Variants in GFPT1 observed in about 807,000 individuals in gnomAD.
The protein encoded by GFPT1 is glutamine--fructose-6-phosphate aminotransferase [isomerizing] 1.
Under a neutral mutation model 92.0 loss-of-function variants are expected in GFPT1, and 40 were observed. That is an observed-to-expected ratio of 0.43 (90% confidence interval 0.34 to 0.57). The LOEUF is 0.57. GFPT1 is among the 20% of genes least tolerant of loss of function. The pLI, the probability that GFPT1 is intolerant of heterozygous loss-of-function variation, is 0.02. For missense variants in GFPT1, 448 were observed against 869.1 expected (o/e 0.52, Z 6.09); for synonymous variants, 269 against 280.6 (o/e 0.96, Z 0.41).
intron 6 of GFPT1, among the ~76,000 whole-genome samples, chr2:69,357,973 C>A (rs1043737334): frequency 6.6e-6 from 1 of 152,166 alleles, no homozygotes; most frequent in African/African-American, 2.4e-5. Flanking sequence ...GAAGAACACT[C>A]GGATGAGCAA....
chr2:69,376,611 A>C lies in GFPT1; in HGVS notation c.8-2498T>G, dbSNP rs149069075. Among the ~76,000 whole-genome samples, 719 of 152,318 alleles carry C rather than the reference A, an allele frequency of 4.7e-3. 9 individuals carry two copies. Among genetic ancestry groups the C allele is most frequent in the Admixed American group, 0.012 (179 of 15,300 alleles). Reference sequence around the variant, plus strand: ...GCTAGAGTCCACTAAAGGAGGATACAATCTAGCTTATTTGAAAACAGAAGC... The same window carrying C: ...GCTAGAGTCCACTAAAGGAGGATACCATCTAGCTTATTTGAAAACAGAAGC... On this transcript the variant is annotated intron_variant, in intron 1 of 19. Transcript: ENST00000357308.
intron 7 of GFPT1, 68 bp downstream of exon 7, chr2:69,356,428 T>C (rs1392173588): frequency 4.8e-5 from 51 of 1,059,526 alleles, no homozygotes; most frequent in Non-Finnish European, 4.5e-6. Context: ...TCATGTATAG[T>C]CTACGAAGAA....
At position 69,325,205 on chromosome 2, in the gene GFPT1, G is replaced by GT. The variant is rs965224407; in HGVS notation, c.*983dup. 4 of 152,110 alleles carry GT rather than the reference G, an allele frequency of 2.6e-5. No homozygotes were observed. The highest frequency in any genetic ancestry group is 9.7e-5 in the African/African-American group (4 of 41,426). 9.4% of individuals were successfully genotyped at this position (152,110 alleles called of 1,614,324 possible). On this transcript the variant is annotated 3_prime_UTR_variant, in exon 20 of 20. Coordinates refer to ENST00000357308, the MANE Select transcript of GFPT1 (RefSeq NM_001244710.2). Reference sequence around the variant, plus strand: ...TAAGGGACTAGTTTTATGCAACAATGTAATGAAGGAAAGTTAAAATTAACT... The same window carrying GT: ...TAAGGGACTAGTTTTATGCAACAATGTTAATGAAGGAAAGTTAAAATTAACT...
At chr2:69,333,620 T>C (rs1035091532) in intron 15 of GFPT1, among the ~76,000 whole-genome samples, 23 of 152,196 alleles carry the variant, frequency 1.5e-4, no homozygotes, top group African/African-American at 5.1e-4. Flanking sequence ...TTTTTTTAAA[T>C]CAACAAAAGT....
intron 6 of GFPT1, 55 bp from the exon 7 acceptor site, chr2:69,356,612 T>C (rs1403597347): frequency 1.3e-5 from 16 of 1,258,620 alleles, no homozygotes; most frequent in Non-Finnish European, 1.9e-5. Flanking sequence ...AAGTCAGAAA[T>C]GCCTAGAACA....
intron 18 of GFPT1, 108 bp from the exon 19 acceptor site, chr2:69,327,183 G>A (rs568651840): frequency 2.3e-5 from 20 of 884,512 alleles, no homozygotes; most frequent in Non-Finnish European, 3.2e-5. Flanking sequence ...GAAGCCTCAC[G>A]GACAGACTTC....
chr2:69,364,888 G>A (rs1429662333), intron 3 of GFPT1, among the ~76,000 whole-genome samples: 6 of 150,786 alleles, frequency 4.0e-5, no homozygotes, highest in South Asian at 2.1e-4. Context: ...CCAGCTACTC[G>A]GGAGGTTGAG....
chr2:69,344,122 G>A (rs1055835898), intron 12 of GFPT1, among the ~76,000 whole-genome samples: 1 of 128,852 alleles, frequency 7.8e-6, no homozygotes, highest in Admixed American at 9.2e-5. Context: ...TGAGAAGAAA[G>A]GAAACAGCAG....
intron 4 of GFPT1, among the ~76,000 whole-genome samples, chr2:69,363,239 GACT>G (rs1240055868): frequency 1.3e-5 from 2 of 152,134 alleles, no homozygotes; most frequent in Non-Finnish European, 2.9e-5. Flanking sequence ...GAGTAGCTGA[GACT>G]ACAAGCATGC....
chr2:69,362,430 T>C (rs1671497715), intron 4 of GFPT1, among the ~76,000 whole-genome samples: 1 of 152,174 alleles, frequency 6.6e-6, no homozygotes, highest in Non-Finnish European at 1.5e-5. Flanking sequence ...ATTTTAAAGA[T>C]GTGACTTCGG....
At chr2:69,351,444 GTATACT>G (rs1019153060) in intron 9 of GFPT1, among the ~76,000 whole-genome samples, 2 of 152,086 alleles carry the variant, frequency 1.3e-5, no homozygotes, top group African/African-American at 4.8e-5. Flanking sequence ...AACATCACAA[GTATACT>G]TATAAAAACT....
chr2:69,353,818 G>T (rs942866063), intron 9 of GFPT1, among the ~76,000 whole-genome samples: 1 of 152,058 alleles, frequency 6.6e-6, no homozygotes, highest in Non-Finnish European at 1.5e-5. Flanking sequence ...AGCCAATCAA[G>T]ATAGCAAATG....
intron 1 of GFPT1, among the ~76,000 whole-genome samples, chr2:69,380,883 A>C (rs1558786722): frequency 6.6e-6 from 1 of 152,120 alleles, no homozygotes; most frequent in African/African-American, 2.4e-5. Context: ...CTTCTCCCAG[A>C]TATTATTTTA....
intron 15 of GFPT1, among the ~76,000 whole-genome samples, chr2:69,332,793 T>TGC (rs1670695535): frequency 6.6e-6 from 1 of 152,124 alleles, no homozygotes; most frequent in Non-Finnish European, 1.5e-5. Context: ...GGTGTGTGTG[T>TGC]GCGCGCGCGG....
At chr2:69,343,272 G>C (rs1245744379) in intron 12 of GFPT1, among the ~76,000 whole-genome samples, 1 of 152,164 alleles carries the variant, frequency 6.6e-6, no homozygotes, top group Non-Finnish European at 1.5e-5. Flanking sequence ...TAGTGGTCAA[G>C]GCACTGAGAG....
At position 69,348,098 on chromosome 2, in the gene GFPT1, T is replaced by A. The variant is rs955377577; in HGVS notation, c.1009+73A>T. On this transcript the variant is annotated intron_variant, in intron 11 of 19. Transcript: ENST00000357308. ...ACTCATCATTCATTACTAGATTTAA[T>A]ATGCTAGGAAAGGAAGTAGAATATA... is the stretch of plus-strand genomic sequence containing the variant. The A allele has an allele frequency of 9.6e-6, 11 of 1,148,996 alleles. No individual in the cohort carries two copies. In the African/African-American group the frequency reaches 1.7e-4, roughly 17 times the overall value. The allele number at this position is 1,148,996 out of a possible 1,614,324, so 71.2% of individuals were successfully genotyped here.
intron 11 of GFPT1, 29 bp downstream of exon 11, chr2:69,348,142 G>A: frequency 1.3e-6 from 2 of 1,564,548 alleles, no homozygotes; most frequent in Non-Finnish European, 1.8e-6. Context: ...AGTAAGGACA[G>A]CAAGCTATAA....
chr2:69,377,865 A>C (rs1186534560), intron 1 of GFPT1, among the ~76,000 whole-genome samples: 1 of 152,200 alleles, frequency 6.6e-6, no homozygotes, highest in Non-Finnish European at 1.5e-5. Context: ...TGCCCGAGAC[A>C]ATACTGGCAG....
chr2:69,326,140 T>G lies in GFPT1; in HGVS notation c.*49A>C. The G allele has an allele frequency of 8.2e-7, 1 of 1,217,738 alleles. No homozygotes were observed. The highest frequency in any genetic ancestry group is 1.5e-5 in the African/African-American group (1 of 67,132). The allele number at this position is 1,217,738 out of a possible 1,614,324, so 75.4% of individuals were successfully genotyped here. On this transcript the variant is annotated 3_prime_UTR_variant, in exon 20 of 20. Transcript: ENST00000357308. The stretch of plus-strand genomic sequence containing the variant: ...ATCAAGGTTTTAAATACAAAAGGTG[T>G]CTTGTGTTGCTTAATCATACAGTTT...
Sources: gnomAD v4.1 joint callset for allele counts (sites outside exome capture counted in the v4.1 genomes callset) on GRCh38, gnomAD v4.1.1 for gene constraint, MANE v1.5 for transcripts, NCBI Gene and HGNC (gene_info 2026-07-23, HGNC 2026-07-21) for gene names.